CSMD1: variants seen among roughly 807,000 people sequenced by gnomAD.
The protein encoded by CSMD1 is CUB and Sushi multiple domains 1, also known as CUB and sushi domain-containing protein 1.
CSMD1 carries 213 observed loss-of-function variants against 417.5 expected under a neutral mutation model. The observed-to-expected ratio is 0.51, with a 90% CI of 0.46 to 0.57. The LOEUF (loss-of-function observed/expected upper bound fraction) is 0.57. Ranked by LOEUF, CSMD1 falls within the 20% of genes least tolerant of loss-of-function variation. The pLI is 0.00. For missense variants in CSMD1, 6,923 were observed against 4,529.7 expected (o/e 1.53, Z -15.17); for synonymous variants, 2,862 against 1,736.8 (o/e 1.65, Z -16.11).
chr8:3,154,336 T>C (rs1819384869), intron 39 of CSMD1, among the ~76,000 whole-genome samples: 1 of 152,232 alleles, frequency 6.6e-6, no homozygotes, highest in Non-Finnish European at 1.5e-5. Flanking sequence ...TCCATCTCTG[T>C]GTGGTCATCA....
At chr8:4,312,469 A>ACG (rs1798683982) in intron 3 of CSMD1, among the ~76,000 whole-genome samples, 2 of 144,298 alleles carry the variant, frequency 1.4e-5, no homozygotes, top group African/African-American at 5.1e-5. Context: ...ATGCGCGTAT[A>ACG]TATATATATA....
At chr8:3,427,433 G>C in intron 12 of CSMD1, among the ~76,000 whole-genome samples, 1 of 152,142 alleles carries the variant, frequency 6.6e-6, no homozygotes, top group East Asian at 1.9e-4. Context: ...AATATGTAAT[G>C]ATTCCACAAT....
At chr8:3,253,650 T>A (rs1439763228) in intron 26 of CSMD1, among the ~76,000 whole-genome samples, 1 of 152,262 alleles carries the variant, frequency 6.6e-6, no homozygotes, top group Non-Finnish European at 1.5e-5. Context: ...GCCATTATTA[T>A]TGTGTGGGAG....
chr8:3,088,521 G>A (rs1356045025), intron 48 of CSMD1, among the ~76,000 whole-genome samples: 2 of 152,130 alleles, frequency 1.3e-5, no homozygotes, highest in Non-Finnish European at 2.9e-5. Flanking sequence ...CTATCATAGT[G>A]GTGCCCAGAA....
At chr8:4,827,076 G>C (rs759088743) in intron 1 of CSMD1, among the ~76,000 whole-genome samples, 27 of 152,076 alleles carry the variant, frequency 1.8e-4, no homozygotes, top group Non-Finnish European at 3.5e-4. Flanking sequence ...AAAAAATTAA[G>C]TCCATGTTCT....
intron 4 of CSMD1, among the ~76,000 whole-genome samples, chr8:4,026,663 T>C (rs1320486968): frequency 1.3e-5 from 2 of 152,242 alleles, no homozygotes; most frequent in African/African-American, 4.8e-5. Flanking sequence ...CATTAAGATA[T>C]TATGTCAAAA....
At chr8:3,504,874 T>C (rs773447755) in intron 10 of CSMD1, among the ~76,000 whole-genome samples, 2 of 152,014 alleles carry the variant, frequency 1.3e-5, no homozygotes, top group Non-Finnish European at 2.9e-5. Context: ...TAGTGGCAAA[T>C]GTGGCAAGGA....
intron 9 of CSMD1, among the ~76,000 whole-genome samples, chr8:3,577,120 G>C (rs1015008081): frequency 6.6e-6 from 1 of 152,148 alleles, no homozygotes; most frequent in Non-Finnish European, 1.5e-5. Context: ...GTTCCCAGCC[G>C]GAAAGATCCC....
intron 5 of CSMD1, among the ~76,000 whole-genome samples, chr8:3,915,480 C>T (rs149575898): frequency 6.7e-6 from 1 of 149,502 alleles, no homozygotes; most frequent in Non-Finnish European, 1.5e-5. Context: ...CAGGGAAGTG[C>T]AGGAAAGGAT....
intron 3 of CSMD1, among the ~76,000 whole-genome samples, chr8:4,225,397 G>T (rs117842525): frequency 6.6e-6 from 1 of 151,488 alleles, no homozygotes; most frequent in African/African-American, 2.4e-5. Flanking sequence ...TTTCTAGTTC[G>T]TAAGCCTCTA....
intron 3 of CSMD1, among the ~76,000 whole-genome samples, chr8:4,115,407 T>C (rs1802081024): frequency 6.6e-6 from 1 of 152,238 alleles, no homozygotes; most frequent in African/African-American, 2.4e-5. Flanking sequence ...AGCCAACATA[T>C]TCCTATGATT....
chr8:4,111,681 A>C (rs1052950847), intron 3 of CSMD1, among the ~76,000 whole-genome samples: 3 of 152,180 alleles, frequency 2.0e-5, no homozygotes, highest in African/African-American at 4.8e-5. Context: ...CAAAAGACAA[A>C]CACCACATGT....
At chr8:3,919,349 G>A (rs1408627605) in intron 5 of CSMD1, among the ~76,000 whole-genome samples, 2 of 151,968 alleles carry the variant, frequency 1.3e-5, no homozygotes, top group African/African-American at 2.4e-5. Flanking sequence ...TCATTCCTCT[G>A]CACGACATAC....
In CSMD1 at chr8:4,022,495, G is replaced by A. The variant is rs187553440; in HGVS notation, c.610+9410C>T. On this transcript the variant is annotated intron_variant, in intron 4 of 69. Transcript: ENST00000635120. ...TGCTCAGGTTTAAAGACTTCCCTCC[G>A]AAGCAACATTTGGTAGAAAGCATTT... is the stretch of plus-strand genomic sequence containing the variant. Among the ~76,000 whole-genome samples the A allele has an allele frequency of 6.7e-4, 102 of 152,240 alleles. No homozygotes were observed. In the East Asian group the frequency reaches 6.9e-3, roughly 10 times the overall value.
At chr8:4,269,328 A>T (rs1373596158) in intron 3 of CSMD1, among the ~76,000 whole-genome samples, 1 of 152,092 alleles carries the variant, frequency 6.6e-6, no homozygotes, top group East Asian at 1.9e-4. Flanking sequence ...CCTCCCCCAA[A>T]GTGCTGGGAT....
At chr8:4,889,721 C>T (rs1333993938) in intron 1 of CSMD1, among the ~76,000 whole-genome samples, 1 of 151,994 alleles carries the variant, frequency 6.6e-6, no homozygotes, top group Non-Finnish European at 1.5e-5. Flanking sequence ...GAAAATTTAC[C>T]TTAATAGGTC....
chr8:4,309,536 A>G (rs1356948677), intron 3 of CSMD1, among the ~76,000 whole-genome samples: 2 of 152,154 alleles, frequency 1.3e-5, no homozygotes, highest in Non-Finnish European at 2.9e-5. Flanking sequence ...ACACAGACAA[A>G]GTATAAATCA....
intron 2 of CSMD1, among the ~76,000 whole-genome samples, chr8:4,421,587 C>A (rs955700449): frequency 6.6e-6 from 1 of 151,608 alleles, no homozygotes; most frequent in African/African-American, 2.4e-5. Context: ...CTAAATAATC[C>A]AGGGGCCAAA....
rs991438427 is a variant in CSMD1 at position 4,710,106 on chromosome 8, A to C, written c.86-72548T>G. On this transcript the variant is annotated intron_variant, in intron 1 of 69. Coordinates refer to ENST00000635120, the MANE Select transcript of CSMD1 (RefSeq NM_033225.6). ...ACAAAATATCGCCCAAGGAAAAGCA[A>C]GTTCTGATAACCTTCGCCTGGAGGT... Among the ~76,000 whole-genome samples, 3 of 152,108 alleles carry C rather than the reference A, an allele frequency of 2.0e-5. No individual in the cohort carries two copies. In the East Asian group the frequency reaches 5.8e-4, roughly 29 times the overall value.
Sources: gnomAD v4.1 joint callset for allele counts (sites outside exome capture counted in the v4.1 genomes callset) on GRCh38, gnomAD v4.1.1 for gene constraint, MANE v1.5 for transcripts, NCBI Gene and HGNC (gene_info 2026-07-23, HGNC 2026-07-21) for gene names.